SV2C: variants seen among roughly 807,000 people sequenced by gnomAD.
SV2C encodes synaptic vesicle glycoprotein 2C.
A neutral mutation model predicts 79.7 loss-of-function variants in SV2C; 49 were observed. The observed-to-expected ratio is 0.61, with a 90% CI of 0.49 to 0.78. The LOEUF is 0.78. SV2C is among the 30% of genes least tolerant of loss of function. The pLI, the probability that SV2C is intolerant of heterozygous loss-of-function variation, is 0.00. For synonymous variants in SV2C, 334 were observed against 333.2 expected, an observed-to-expected ratio of 1.00 and a Z score of -0.03; for missense variants, 833 against 912.9, an observed-to-expected ratio of 0.91 and a Z score of 1.13.
At chr5:75,993,794 T>G in the SV2C span, among the ~76,000 whole-genome samples, 2 of 152,000 alleles carry the variant, frequency 1.3e-5, no homozygotes, top group Non-Finnish European at 2.9e-5. Flanking sequence ...TATTCCAGCT[T>G]TTCACGTGAT....
the SV2C span, among the ~76,000 whole-genome samples, chr5:75,898,649 G>T: frequency 3.9e-5 from 6 of 152,146 alleles, no homozygotes; most frequent in Admixed American, 2.6e-4. Context: ...AATGGTACCA[G>T]TTCCTCCTTG....
chr5:75,944,937 C>T, the SV2C span, among the ~76,000 whole-genome samples: 101 of 152,110 alleles, frequency 6.6e-4, no homozygotes, highest in African/African-American at 2.3e-3. Flanking sequence ...AAAAAGGGGT[C>T]CCTGTTGCTC....
chr5:76,164,636 G>A (rs1742993567), intron 2 of SV2C, among the ~76,000 whole-genome samples: 1 of 151,866 alleles, frequency 6.6e-6, no homozygotes. Context: ...TCCATATAAT[G>A]CTTTCATTAA....
At chr5:76,132,836 C>G (rs1748948997) in intron 2 of SV2C, among the ~76,000 whole-genome samples, 1 of 151,900 alleles carries the variant, frequency 6.6e-6, no homozygotes, top group African/African-American at 2.4e-5. Flanking sequence ...TTTCTATTAT[C>G]TATGTGTATG....
At chr5:75,947,895 T>G in the SV2C span, among the ~76,000 whole-genome samples, 3 of 151,970 alleles carry the variant, frequency 2.0e-5, no homozygotes, top group East Asian at 5.8e-4. Context: ...GTTTTCCATT[T>G]TTTTTTAAAA....
At chr5:76,021,483 C>T in the SV2C span, among the ~76,000 whole-genome samples, 1 of 152,202 alleles carries the variant, frequency 6.6e-6, no homozygotes, top group African/African-American at 2.4e-5. Context: ...GCCTTCCTGA[C>T]AACTCTGATG....
the SV2C span, among the ~76,000 whole-genome samples, chr5:75,970,310 A>G: frequency 6.6e-6 from 1 of 152,110 alleles, no homozygotes; most frequent in Admixed American, 6.5e-5. Flanking sequence ...AGAAGGCAAG[A>G]AATAACTAAG....
chr5:75,950,190 A>G, the SV2C span, among the ~76,000 whole-genome samples: 1 of 152,074 alleles, frequency 6.6e-6, no homozygotes, highest in Admixed American at 6.6e-5. Context: ...AGTGTATTTC[A>G]TTACAGAACT....
intron 4 of SV2C, among the ~76,000 whole-genome samples, chr5:76,240,510 C>G (rs1288529245): frequency 1.3e-5 from 2 of 152,200 alleles, no homozygotes; most frequent in South Asian, 2.1e-4. Context: ...AACTAAAAGA[C>G]AACAGAAGGC....
chr5:76,242,163 G>C (rs1745806048), intron 4 of SV2C: 5 of 1,212,856 alleles, frequency 4.1e-6, no homozygotes, highest in Non-Finnish European at 6.1e-6. Flanking sequence ...CTTCTTTGCA[G>C]GGGCCTTTTA....
intron 4 of SV2C, among the ~76,000 whole-genome samples, chr5:76,246,123 G>T (rs578157699): frequency 1.4e-4 from 22 of 152,150 alleles, no homozygotes; most frequent in African/African-American, 4.6e-4. Flanking sequence ...TCATCCTGAG[G>T]ACTCCTGGGA....
the SV2C span, among the ~76,000 whole-genome samples, chr5:75,883,191 A>G: frequency 2.6e-4 from 34 of 132,426 alleles, no homozygotes; most frequent in Non-Finnish European, 4.8e-4. Context: ...TCAGGAAACA[A>G]CAGGTGCTGG....
chr5:76,276,638 CTTTTTTTTT>C (rs1188116727), intron 4 of SV2C, among the ~76,000 whole-genome samples: 1 of 137,588 alleles, frequency 7.3e-6, no homozygotes, highest in Non-Finnish European at 1.6e-5. Context: ...TTTTCTTTTT[CTTTTTTTTT>C]TTTTTTTGAG....
the SV2C span, among the ~76,000 whole-genome samples, chr5:75,930,571 C>G: frequency 6.6e-6 from 1 of 152,150 alleles, no homozygotes; most frequent in Admixed American, 6.5e-5. Flanking sequence ...GAAGGTCTAT[C>G]ATCCAAGAGA....
chr5:75,891,076 G>A, the SV2C span, among the ~76,000 whole-genome samples: 1 of 152,058 alleles, frequency 6.6e-6, no homozygotes, highest in Non-Finnish European at 1.5e-5. Context: ...TTGACTGAAT[G>A]TCTTGATTCC....
chr5:76,046,466 T>A, the SV2C span, among the ~76,000 whole-genome samples: 1 of 152,136 alleles, frequency 6.6e-6, no homozygotes, highest in Non-Finnish European at 1.5e-5. Context: ...CAGAATACAT[T>A]TGTATATGTC....
chr5:76,345,563 A>G (rs528220972), intron 12 of SV2C, among the ~76,000 whole-genome samples: 6 of 152,196 alleles, frequency 3.9e-5, no homozygotes, highest in Non-Finnish European at 8.8e-5. Context: ...TTCTCTGCTC[A>G]TACTCTTGAA....
chr5:76,038,466 G>T, the SV2C span, among the ~76,000 whole-genome samples: 1 of 152,244 alleles, frequency 6.6e-6, no homozygotes, highest in South Asian at 2.1e-4. Flanking sequence ...ACTTCTATTT[G>T]CCTTGGTTCC....
At chr5:75,855,770 C>G in the SV2C span, among the ~76,000 whole-genome samples, 1 of 152,160 alleles carries the variant, frequency 6.6e-6, no homozygotes, top group Non-Finnish European at 1.5e-5. Flanking sequence ...GATATCCATC[C>G]TCTCAAGCAT....
Sources: allele counts gnomAD v4.1 joint callset (sites outside exome capture counted in the v4.1 genomes callset), GRCh38; gene constraint gnomAD v4.1.1; transcripts MANE v1.5; gene names NCBI Gene and HGNC (gene_info 2026-07-23, HGNC 2026-07-21).